The following UBE2E2 variants were observed in gnomAD, a reference collection of about 807,000 sequenced individuals.
UBE2E2 encodes ubiquitin conjugating enzyme E2 E2.
Under a neutral mutation model 24.7 loss-of-function variants are expected in UBE2E2, and 6 were observed. The observed-to-expected ratio is 0.24, with a 90% confidence interval of 0.13 to 0.48. UBE2E2 has a LOEUF of 0.48. UBE2E2 is among the 20% of genes least tolerant of loss of function. The pLI, the probability that UBE2E2 is intolerant of heterozygous loss-of-function variation, is 0.99. For synonymous variants in UBE2E2, 104 were observed against 83.6 expected (o/e 1.24, Z -1.33); for missense variants, 169 against 245.0 (o/e 0.69, Z 2.07).
At chr3:23,393,397 C>T (rs1038323283) in intron 3 of UBE2E2, among the ~76,000 whole-genome samples, 2 of 152,128 alleles carry the variant, frequency 1.3e-5, no homozygotes, top group African/African-American at 4.8e-5. Flanking sequence ...AAGTTTAGAG[C>T]AGTGATTCTC....
chr3:23,332,231 G>A (rs753755155), intron 3 of UBE2E2, among the ~76,000 whole-genome samples: 6 of 151,980 alleles, frequency 3.9e-5, no homozygotes, highest in Non-Finnish European at 8.8e-5. Context: ...CTGCAGCCTC[G>A]ACCTCCTGGG....
chr3:23,391,911 A>G (rs528974395), intron 3 of UBE2E2, among the ~76,000 whole-genome samples: 6 of 152,308 alleles, frequency 3.9e-5, no homozygotes, highest in African/African-American at 1.4e-4. Flanking sequence ...TTGTTCTATT[A>G]TGTACCCATT....
chr3:23,377,964 G>GAGTTCT (rs1297022301), intron 3 of UBE2E2, among the ~76,000 whole-genome samples: 1 of 152,112 alleles, frequency 6.6e-6, no homozygotes, highest in Non-Finnish European at 1.5e-5. Flanking sequence ...AACTCTATAG[G>GAGTTCT]TAATGTTCTT....
intron 3 of UBE2E2, among the ~76,000 whole-genome samples, chr3:23,328,179 C>A (rs1037324298): frequency 1.3e-5 from 2 of 152,076 alleles, no homozygotes; most frequent in Non-Finnish European, 2.9e-5. Context: ...ATGAGGCATG[C>A]AGTAATCTTG....
intron 3 of UBE2E2, among the ~76,000 whole-genome samples, chr3:23,219,258 A>G (rs1247184613): frequency 6.6e-6 from 1 of 152,166 alleles, no homozygotes; most frequent in South Asian, 2.1e-4. Context: ...TGGCAAGCAA[A>G]GGGTCCTCTG....
At chr3:23,293,286 G>A (rs553429882) in intron 3 of UBE2E2, among the ~76,000 whole-genome samples, 1 of 152,154 alleles carries the variant, frequency 6.6e-6, no homozygotes, top group Non-Finnish European at 1.5e-5. Flanking sequence ...CTTCCCAGGT[G>A]ATTCTTACAT....
intron 3 of UBE2E2, among the ~76,000 whole-genome samples, chr3:23,375,076 G>C (rs1395349933): frequency 6.6e-6 from 1 of 151,568 alleles, no homozygotes; most frequent in African/African-American, 2.4e-5. Context: ...CATATCATGA[G>C]ATATAAAAAA....
chr3:23,350,456 C>G (rs1695709108), intron 3 of UBE2E2, among the ~76,000 whole-genome samples: 1 of 152,130 alleles, frequency 6.6e-6, no homozygotes, highest in African/African-American at 2.4e-5. Context: ...GGAGGAAATT[C>G]AAACCAAAGG....
intron 2 of UBE2E2, among the ~76,000 whole-genome samples, chr3:23,212,870 CATAGAT>C (rs1026590329): frequency 1.3e-5 from 2 of 152,054 alleles, no homozygotes; most frequent in African/African-American, 2.4e-5. Flanking sequence ...CTTTCAGAAT[CATAGAT>C]ATATAGTATA....
intron 3 of UBE2E2, among the ~76,000 whole-genome samples, chr3:23,293,552 T>C (rs1002654484): frequency 7.2e-5 from 11 of 152,226 alleles, no homozygotes; most frequent in African/African-American, 2.7e-4. Context: ...TGGTTCTAGT[T>C]ATGTTATGGA....
intron 3 of UBE2E2, among the ~76,000 whole-genome samples, chr3:23,341,574 A>G (rs965402304): frequency 4.6e-5 from 7 of 152,202 alleles, no homozygotes; most frequent in Admixed American, 4.6e-4. Flanking sequence ...TGAGCATCTT[A>G]TCCAGCTGAC....
intron 3 of UBE2E2, among the ~76,000 whole-genome samples, chr3:23,409,661 A>T (rs1697453197): frequency 6.6e-6 from 1 of 152,208 alleles, no homozygotes; most frequent in Non-Finnish European, 1.5e-5. Context: ...AACAAATTAC[A>T]CAAAATAGGT....
intron 3 of UBE2E2, among the ~76,000 whole-genome samples, chr3:23,361,844 G>A (rs1014851347): frequency 6.6e-6 from 1 of 151,910 alleles, no homozygotes; most frequent in Non-Finnish European, 1.5e-5. Context: ...AAAATACAAG[G>A]TATTATTGGA....
At chr3:23,268,703 T>C (rs1012375008) in intron 3 of UBE2E2, among the ~76,000 whole-genome samples, 1 of 149,836 alleles carries the variant, frequency 6.7e-6, no homozygotes, top group Non-Finnish European at 1.5e-5. Context: ...AAAAAACTAC[T>C]TTAAAGTTCA....
At chr3:23,320,818 G>A (rs1575559168) in intron 3 of UBE2E2, among the ~76,000 whole-genome samples, 1 of 152,176 alleles carries the variant, frequency 6.6e-6, no homozygotes, top group Admixed American at 6.5e-5. Flanking sequence ...TGACTAGTCT[G>A]TGTCTATTGG....
chr3:23,267,466 A>G (rs1395240931), intron 3 of UBE2E2, among the ~76,000 whole-genome samples: 1 of 152,232 alleles, frequency 6.6e-6, no homozygotes, highest in Non-Finnish European at 1.5e-5. Context: ...AGAAATGGAT[A>G]AATTCCTCGA....
intron 5 of UBE2E2, among the ~76,000 whole-genome samples, chr3:23,544,049 T>C (rs948622712): frequency 2.0e-5 from 3 of 152,150 alleles, no homozygotes; most frequent in Non-Finnish European, 4.4e-5. Flanking sequence ...TCTTACCATA[T>C]ACAAAAATCA....
chr3:23,223,522 A>G (rs1329390398), intron 3 of UBE2E2, among the ~76,000 whole-genome samples: 3 of 151,960 alleles, frequency 2.0e-5, no homozygotes, highest in African/African-American at 7.2e-5. Flanking sequence ...TTATATATAT[A>G]TATTTGCTGT....
chr3:23,204,418 A>G (rs548579385), intron 1 of UBE2E2, among the ~76,000 whole-genome samples: 13 of 152,372 alleles, frequency 8.5e-5, no homozygotes, highest in African/African-American at 2.9e-4. Flanking sequence ...ATTTTTATTT[A>G]AAAGTACGAA....
Sources: allele counts gnomAD v4.1 joint callset (sites outside exome capture counted in the v4.1 genomes callset), GRCh38; gene constraint gnomAD v4.1.1; transcripts MANE v1.5; gene names NCBI Gene and HGNC (gene_info 2026-07-23, HGNC 2026-07-21).